The following MB21D2 variants were observed in gnomAD, a reference collection of about 807,000 sequenced individuals.
MB21D2 encodes the protein nucleotidyltransferase MB21D2.
A neutral mutation model predicts 33.3 loss-of-function variants in MB21D2; 9 were observed. The observed-to-expected ratio is 0.27, with a 90% CI of 0.16 to 0.47. The LOEUF is 0.47. Ranked by LOEUF, MB21D2 falls within the 20% of genes least tolerant of loss-of-function variation. The probability of loss-of-function intolerance (pLI) is 0.99; values close to 1 mark genes in which losing one functional copy is unlikely to be tolerated. For synonymous variants in MB21D2, 241 were observed against 236.3 expected, an observed-to-expected ratio of 1.02 and a Z score of -0.18; for missense variants, 540 against 624.6, an observed-to-expected ratio of 0.86 and a Z score of 1.44.
At chr3:192,882,203 G>A (rs1287638002) in intron 1 of MB21D2, among the ~76,000 whole-genome samples, 1 of 151,842 alleles carries the variant, frequency 6.6e-6, no homozygotes, top group African/African-American at 2.4e-5. Flanking sequence ...TTGGCTCACT[G>A]CAACCTCCAC....
rs189067973 is a variant in MB21D2, at chr3:192,902,992, G to T, written c.211+14638C>A. Among the ~76,000 whole-genome samples the T allele has an allele frequency of 7.2e-5, 11 of 152,354 alleles. No individual in the cohort carries two copies. In the East Asian group the frequency reaches 2.1e-3, roughly 29 times the overall value. Reference sequence around the variant, plus strand: ...GAAAGAGATGAAGAACAAATCAAAAGACCAAAGCAAACACGACAGACCAAA... The same window carrying T: ...GAAAGAGATGAAGAACAAATCAAAATACCAAAGCAAACACGACAGACCAAA... On this transcript the variant is annotated intron_variant, in intron 1 of 1. Transcript: ENST00000392452.
chr3:192,870,801 G>T (rs998036900), intron 1 of MB21D2, among the ~76,000 whole-genome samples: 7 of 148,068 alleles, frequency 4.7e-5, no homozygotes, highest in Admixed American at 3.4e-4. Flanking sequence ...ATGCAAAACC[G>T]ATGTAGAAAC....
At chr3:192,846,735 C>T (rs1712687788) in intron 1 of MB21D2, among the ~76,000 whole-genome samples, 1 of 152,176 alleles carries the variant, frequency 6.6e-6, no homozygotes, top group African/African-American at 2.4e-5. Flanking sequence ...TACTGAGAAG[C>T]ACACTCCCTA....
intron 1 of MB21D2, among the ~76,000 whole-genome samples, chr3:192,814,508 C>T (rs148956764): frequency 2.0e-4 from 30 of 152,192 alleles, no homozygotes; most frequent in African/African-American, 4.1e-4. Context: ...TTTAAAAGCA[C>T]GGGTAGATCA....
At chr3:192,826,209 T>C (rs575731143) in intron 1 of MB21D2, among the ~76,000 whole-genome samples, 10 of 152,356 alleles carry the variant, frequency 6.6e-5, no homozygotes, top group East Asian at 3.9e-4. Context: ...ATTCTCCATA[T>C]ACTAGAACCT....
intron 1 of MB21D2, among the ~76,000 whole-genome samples, chr3:192,909,134 T>C (rs1330509586): frequency 1.3e-5 from 2 of 151,446 alleles, no homozygotes; most frequent in Admixed American, 6.6e-5. Context: ...CGGGCGCCTG[T>C]AGTCCCAGCT....
intron 1 of MB21D2, among the ~76,000 whole-genome samples, chr3:192,840,859 A>G (rs1312702999): frequency 6.6e-6 from 1 of 152,206 alleles, no homozygotes; most frequent in Non-Finnish European, 1.5e-5. Flanking sequence ...ACTTCCCTGC[A>G]ATCATTGGGA....
chr3:192,828,636 A>G (rs1385082819), intron 1 of MB21D2, among the ~76,000 whole-genome samples: 1 of 35,522 alleles, frequency 2.8e-5, no homozygotes, highest in Admixed American at 3.1e-4. Flanking sequence ...ATATATATAT[A>G]TATATATATA....
At chr3:192,821,243 T>G (rs1298750903) in intron 1 of MB21D2, among the ~76,000 whole-genome samples, 1 of 152,190 alleles carries the variant, frequency 6.6e-6, no homozygotes, top group Non-Finnish European at 1.5e-5. Context: ...TGCCCTCTTA[T>G]GATGAAGACC....
intron 1 of MB21D2, among the ~76,000 whole-genome samples, chr3:192,809,116 A>G (rs1191139277): frequency 6.6e-6 from 1 of 151,190 alleles, no homozygotes; most frequent in Non-Finnish European, 1.5e-5. Flanking sequence ...TTTTTTTTTG[A>G]CATGGAGTCT....
chr3:192,858,764 G>C (rs1217578907), intron 1 of MB21D2, among the ~76,000 whole-genome samples: 2 of 152,204 alleles, frequency 1.3e-5, no homozygotes, highest in East Asian at 1.9e-4. Context: ...TCTACTTGGA[G>C]AGGATATCCT....
At chr3:192,849,238 T>C (rs954622372) in intron 1 of MB21D2, among the ~76,000 whole-genome samples, 3 of 148,968 alleles carry the variant, frequency 2.0e-5, no homozygotes, top group Admixed American at 6.9e-5. Context: ...AATTCTGTAC[T>C]GTGAGACTCT....
intron 1 of MB21D2, among the ~76,000 whole-genome samples, chr3:192,846,381 A>T (rs1712680523): frequency 6.6e-6 from 1 of 152,158 alleles, no homozygotes; most frequent in Admixed American, 6.5e-5. Flanking sequence ...ATTTCAATGA[A>T]TCTTCATAAC....
At chr3:192,908,437 C>T (rs1714259410) in intron 1 of MB21D2, among the ~76,000 whole-genome samples, 2 of 148,124 alleles carry the variant, frequency 1.4e-5, no homozygotes, top group South Asian at 2.1e-4. Context: ...CTCCCTCTGT[C>T]GCCCAGGCTG....
intron 1 of MB21D2, among the ~76,000 whole-genome samples, chr3:192,873,591 C>T (rs1210451063): frequency 6.6e-6 from 1 of 152,164 alleles, no homozygotes; most frequent in African/African-American, 2.4e-5. Flanking sequence ...AACCAAGCAG[C>T]CTCTGTTGGG....
At chr3:192,875,209 ATGTGT>A (rs1157027882) in intron 1 of MB21D2, among the ~76,000 whole-genome samples, 5 of 152,106 alleles carry the variant, frequency 3.3e-5, no homozygotes, top group Non-Finnish European at 7.4e-5. Flanking sequence ...TACTTATGTA[ATGTGT>A]TGTGCATGCA....
intron 1 of MB21D2, among the ~76,000 whole-genome samples, chr3:192,869,280 A>AGGAAGGAG (rs1713236042): frequency 2.9e-5 from 2 of 69,316 alleles, no homozygotes; most frequent in Admixed American, 1.4e-4. Flanking sequence ...GAAGGAAGGA[A>AGGAAGGAG]GGAAGGAGGG....
At chr3:192,870,196 G>A (rs1713260840) in intron 1 of MB21D2, among the ~76,000 whole-genome samples, 1 of 151,772 alleles carries the variant, frequency 6.6e-6, no homozygotes, top group African/African-American at 2.4e-5. Context: ...TCTGTAACAC[G>A]AATCCCTAAC....
chr3:192,870,731 A>AG (rs1713276344), intron 1 of MB21D2, among the ~76,000 whole-genome samples: 3 of 132,800 alleles, frequency 2.3e-5, no homozygotes, highest in Non-Finnish European at 3.1e-5. Flanking sequence ...GAAGGAGAGA[A>AG]GAAGGAAGGA....
Sources: allele counts gnomAD v4.1 joint callset (sites outside exome capture counted in the v4.1 genomes callset), GRCh38; gene constraint gnomAD v4.1.1; transcripts MANE v1.5; gene names NCBI Gene and HGNC (gene_info 2026-07-23, HGNC 2026-07-21).